EVC2: variants seen among roughly 807,000 people sequenced by gnomAD.
The protein encoded by EVC2 is limbin.
Under a neutral mutation model 149.3 loss-of-function variants are expected in EVC2, and 148 were observed. That is an observed-to-expected ratio of 0.99 (90% confidence interval 0.87 to 1.14). The LOEUF is 1.14. Ranked by LOEUF, EVC2 falls within the 50% of genes most tolerant of loss-of-function variation. The pLI is 0.00. For synonymous variants in EVC2, 776 were observed against 649.9 expected, an observed-to-expected ratio of 1.19 and a Z score of -2.95; for missense variants, 1,854 against 1,627.3, an observed-to-expected ratio of 1.14 and a Z score of -2.40.
intron 2 of EVC2, among the ~76,000 whole-genome samples, chr4:5,697,377 C>T (rs912487456): frequency 6.6e-6 from 1 of 152,218 alleles, no homozygotes; most frequent in Non-Finnish European, 1.5e-5. Context: ...AAGGGCCTAC[C>T]TCACCCTAGG....
intron 21 of EVC2, among the ~76,000 whole-genome samples, chr4:5,564,144 T>A (rs1472784971): frequency 1.3e-5 from 2 of 152,182 alleles, no homozygotes; most frequent in African/African-American, 4.8e-5. Context: ...TTCCACTCCA[T>A]TGCCATCACC....
chr4:5,588,672 G>T (rs916968414), intron 16 of EVC2, among the ~76,000 whole-genome samples: 1 of 152,104 alleles, frequency 6.6e-6, no homozygotes, highest in African/African-American at 2.4e-5. Context: ...ATGTGTATGT[G>T]TGTGTGTGTA....
At chr4:5,639,419 CA>C (rs1476584253) in intron 10 of EVC2, among the ~76,000 whole-genome samples, 1 of 152,174 alleles carries the variant, frequency 6.6e-6, no homozygotes, top group East Asian at 1.9e-4. Context: ...TTTGGAAAAA[CA>C]AGAGCTGATT....
At position 5,696,808 on chromosome 4, in the gene EVC2, T is replaced by C. The variant is rs967474144; in HGVS notation, c.283+785A>G. Among the ~76,000 whole-genome samples the C allele has an allele frequency of 5.3e-5, 8 of 152,042 alleles. No individual in the cohort carries two copies. The highest frequency in any genetic ancestry group is 4.4e-5 in the Non-Finnish European group (3 of 68,002). On this transcript the variant is annotated intron_variant, in intron 2 of 21. Transcript: ENST00000344408. This position sits in a 1 kb window ranked among gnomAD's most constrained non-coding sequence, Gnocchi z 4.1. Reference sequence around the variant, plus strand: ...TGTCAGTTGAATTTCGACCACTGAGTGTGGCAAGCTGAATAAAGGTCCGCA... The same window carrying C: ...TGTCAGTTGAATTTCGACCACTGAGCGTGGCAAGCTGAATAAAGGTCCGCA...
chr4:5,688,436 C>A (rs758396662), intron 5 of EVC2, among the ~76,000 whole-genome samples: 6 of 152,116 alleles, frequency 3.9e-5, no homozygotes, highest in Non-Finnish European at 8.8e-5. Flanking sequence ...AGCTTCTCAG[C>A]CACTTTAGTC....
At chr4:5,665,408 T>A in intron 8 of EVC2, 107 bp downstream of exon 8, 1 of 1,543,726 alleles carries the variant, frequency 6.5e-7, no homozygotes, top group South Asian at 1.1e-5. Context: ...TGTGCACAGC[T>A]CCCTCAGCAA....
intron 7 of EVC2, among the ~76,000 whole-genome samples, chr4:5,673,024 A>C (rs1326691682): frequency 6.6e-6 from 1 of 152,218 alleles, no homozygotes; most frequent in African/African-American, 2.4e-5. Context: ...ATGGGTACCA[A>C]GTTTCCTTTC....
intron 16 of EVC2, among the ~76,000 whole-genome samples, chr4:5,593,334 C>G (rs1322866458): frequency 6.6e-6 from 1 of 152,100 alleles, no homozygotes; most frequent in East Asian, 1.9e-4. Context: ...GCGTTACTTC[C>G]TTTTCTTCCT....
chr4:5,672,759 G>C (rs144004876), intron 7 of EVC2, among the ~76,000 whole-genome samples: 1 of 152,294 alleles, frequency 6.6e-6, no homozygotes, highest in African/African-American at 2.4e-5. Flanking sequence ...TAAGCCAAAC[G>C]TCCTGATGAA....
chr4:5,553,376 G>A (rs1432384920), intron 21 of EVC2, among the ~76,000 whole-genome samples: 2 of 152,116 alleles, frequency 1.3e-5, no homozygotes, highest in Non-Finnish European at 2.9e-5. Context: ...TTCCCACCAG[G>A]CCCCACCTCC....
Position 5,670,344 on chromosome 4 carries a change from A to G in EVC2, c.871-4695T>C, listed in dbSNP as rs1005118630. ...TCAAATTCATCATCACCATCACCAC[A>G]ATGACTGTCACCACCACCATCACCA... On this transcript the variant is annotated intron_variant, in intron 7 of 21. Transcript: ENST00000344408. This position sits in a 1 kb window ranked among gnomAD's most constrained non-coding sequence, Gnocchi z 5.2. Among the ~76,000 whole-genome samples the G allele has an allele frequency of 1.3e-5, 2 of 151,018 alleles. No individual in the cohort carries two copies. Among genetic ancestry groups the G allele is most frequent in the African/African-American group, 4.9e-5 (2 of 41,006 alleles).
chr4:5,592,904 T>C (rs1157733297), intron 16 of EVC2, among the ~76,000 whole-genome samples: 5 of 152,232 alleles, frequency 3.3e-5, no homozygotes, highest in African/African-American at 9.6e-5. Flanking sequence ...ACATCTTGAA[T>C]TGTAGTTCTC....
intron 10 of EVC2, 73 bp from the exon 11 acceptor site, chr4:5,632,105 GT>G: frequency 6.3e-7 from 1 of 1,586,382 alleles, no homozygotes; most frequent in Non-Finnish European, 8.6e-7. Context: ...GCAATGCAAT[GT>G]GTACAGGCAC....
At chr4:5,536,513 G>A in the EVC2 span, among the ~76,000 whole-genome samples, 11 of 152,170 alleles carry the variant, frequency 7.2e-5, no homozygotes, top group South Asian at 6.2e-4. Flanking sequence ...GGCTGGGCGC[G>A]GTGGCTCACA....
chr4:5,586,490 G>A (rs1000989055), intron 16 of EVC2, among the ~76,000 whole-genome samples: 1 of 152,162 alleles, frequency 6.6e-6, no homozygotes, highest in Non-Finnish European at 1.5e-5. Flanking sequence ...AGGCCATGAA[G>A]GGAAGGGGGA....
chr4:5,541,837 A>C (rs115568082), downstream of EVC2, among the ~76,000 whole-genome samples: 168 of 152,304 alleles, frequency 1.1e-3, no homozygotes, highest in African/African-American at 3.8e-3. Context: ...CTACGTAATA[A>C]GACATAGTGG....
intron 1 of EVC2, among the ~76,000 whole-genome samples, chr4:5,697,975 T>C (rs561145442): frequency 6.6e-6 from 1 of 151,962 alleles, no homozygotes; most frequent in Admixed American, 6.6e-5. Flanking sequence ...ATGGTCTCCA[T>C]CTCCTGACCT....
chr4:5,546,385 TA>T (rs574430445), intron 21 of EVC2, among the ~76,000 whole-genome samples: 407 of 152,140 alleles, frequency 2.7e-3, no homozygotes, highest in African/African-American at 4.4e-3. Flanking sequence ...TATGCAGCCA[TA>T]AAAAAATGAT....
intron 7 of EVC2, among the ~76,000 whole-genome samples, chr4:5,673,289 T>C (rs552824271): frequency 2.6e-5 from 4 of 152,302 alleles, no homozygotes; most frequent in South Asian, 4.1e-4. Flanking sequence ...GGAATGTATA[T>C]GTAAGAAGCC....
Sources: allele counts gnomAD v4.1 joint callset (sites outside exome capture counted in the v4.1 genomes callset), GRCh38; gene constraint gnomAD v4.1.1; non-coding constraint Gnocchi (gnomAD v3.1); transcripts MANE v1.5; gene names NCBI Gene and HGNC (gene_info 2026-07-23, HGNC 2026-07-21).